DPYD: variants seen among roughly 807,000 people sequenced by gnomAD.
DPYD encodes dihydropyrimidine dehydrogenase [NADP(+)].
Under a neutral mutation model 116.2 loss-of-function variants are expected in DPYD, and 109 were observed. The observed-to-expected ratio is 0.94, with a 90% confidence interval of 0.80 to 1.10. DPYD has a LOEUF of 1.10. Ranked by LOEUF, DPYD falls within the 50% of genes least tolerant of loss-of-function variation. The pLI, the probability that DPYD is intolerant of heterozygous loss-of-function variation, is 0.00. For missense variants in DPYD, 1,302 were observed against 1,254.5 expected (o/e 1.04, Z -0.57); for synonymous variants, 440 against 432.0 (o/e 1.02, Z -0.23).
At chr1:97,160,699 C>CT (rs1418112719) in intron 20 of DPYD, among the ~76,000 whole-genome samples, 1 of 152,174 alleles carries the variant, frequency 6.6e-6, no homozygotes, top group African/African-American at 2.4e-5. Context: ...ACACATAGAA[C>CT]TAGTCAGTGG....
At chr1:97,112,719 C>G (rs573789032) in intron 20 of DPYD, among the ~76,000 whole-genome samples, 1 of 152,244 alleles carries the variant, frequency 6.6e-6, no homozygotes, top group Non-Finnish European at 1.5e-5. Flanking sequence ...TGAAAGCATT[C>G]TTCTCACTCT....
intron 19 of DPYD, among the ~76,000 whole-genome samples, chr1:97,232,897 G>T (rs1401418485): frequency 1.3e-5 from 2 of 152,110 alleles, no homozygotes; most frequent in African/African-American, 4.8e-5. Flanking sequence ...ATGTTAATGT[G>T]GGCATCTATC....
At chr1:97,819,214 G>C (rs925732764) in intron 3 of DPYD, among the ~76,000 whole-genome samples, 2 of 151,978 alleles carry the variant, frequency 1.3e-5, no homozygotes, top group Non-Finnish European at 2.9e-5. Context: ...TAGAAGACAA[G>C]AGAATACTCT....
At chr1:97,881,606 T>C (rs1038070816) in intron 2 of DPYD, among the ~76,000 whole-genome samples, 1 of 152,044 alleles carries the variant, frequency 6.6e-6, no homozygotes, top group Non-Finnish European at 1.5e-5. Context: ...ACTCAATTTA[T>C]AGGATCACAT....
intron 1 of DPYD, among the ~76,000 whole-genome samples, chr1:97,900,025 T>C (rs1441334517): frequency 6.6e-6 from 1 of 151,940 alleles, no homozygotes; most frequent in Non-Finnish European, 1.5e-5. Context: ...AGTTCTCAGC[T>C]ACAGACTATA....
intron 1 of DPYD, among the ~76,000 whole-genome samples, chr1:97,885,451 A>C (rs954503320): frequency 2.0e-5 from 3 of 152,094 alleles, no homozygotes; most frequent in South Asian, 2.1e-4. Flanking sequence ...TCACATGCTA[A>C]TATGAAGAAT....
At chr1:97,643,893 T>A (rs1658084114) in intron 8 of DPYD, among the ~76,000 whole-genome samples, 1 of 151,338 alleles carries the variant, frequency 6.6e-6, no homozygotes, top group Admixed American at 6.6e-5. Flanking sequence ...TGAGAACACA[T>A]GGACGCAGGG....
intron 2 of DPYD, among the ~76,000 whole-genome samples, chr1:97,848,193 G>T (rs574989739): frequency 6.6e-6 from 1 of 152,150 alleles, no homozygotes; most frequent in African/African-American, 2.4e-5. Flanking sequence ...CGCCTCCCGG[G>T]TTCATGCCAT....
intron 20 of DPYD, among the ~76,000 whole-genome samples, chr1:97,116,994 C>CAAAAAAA (rs397784957): frequency 1.9e-5 from 2 of 107,156 alleles, no homozygotes; most frequent in African/African-American, 3.5e-5. Flanking sequence ...ACTAAAAATA[C>CAAAAAAA]AAAAAAAAAA....
chr1:97,873,433 A>C (rs1427362488), intron 2 of DPYD, among the ~76,000 whole-genome samples: 1 of 151,904 alleles, frequency 6.6e-6, no homozygotes, highest in Non-Finnish European at 1.5e-5. Flanking sequence ...TAATACTCAC[A>C]GTTCATACTT....
chr1:97,713,458 T>G (rs1267670193), intron 5 of DPYD, among the ~76,000 whole-genome samples: 2 of 152,242 alleles, frequency 1.3e-5, no homozygotes, highest in African/African-American at 4.8e-5. Context: ...ACTAAAATAT[T>G]GTAATAAAAA....
intron 3 of DPYD, among the ~76,000 whole-genome samples, chr1:97,743,363 C>G (rs1302405590): frequency 6.6e-6 from 1 of 152,026 alleles, no homozygotes; most frequent in African/African-American, 2.4e-5. Flanking sequence ...GCCATTAATC[C>G]CACTTATCAC....
chr1:97,283,035 T>A (rs1364038430), intron 18 of DPYD, among the ~76,000 whole-genome samples: 1 of 152,146 alleles, frequency 6.6e-6, no homozygotes, highest in African/African-American at 2.4e-5. Flanking sequence ...TGTATGCATG[T>A]GTCTTTATGG....
At chr1:97,671,337 G>A (rs1488073645) in intron 8 of DPYD, among the ~76,000 whole-genome samples, 1 of 151,944 alleles carries the variant, frequency 6.6e-6, no homozygotes, top group Non-Finnish European at 1.5e-5. Flanking sequence ...AAATACCCTA[G>A]CGAGTACTAC....
At chr1:97,554,583 T>G (rs1412449497) in intron 11 of DPYD, among the ~76,000 whole-genome samples, 1 of 152,088 alleles carries the variant, frequency 6.6e-6, no homozygotes, top group Admixed American at 6.6e-5. Context: ...ATCTCAGTAA[T>G]TCAGCGCTGA....
At chr1:97,335,717 C>G (rs530735326) in intron 16 of DPYD, among the ~76,000 whole-genome samples, 1 of 152,258 alleles carries the variant, frequency 6.6e-6, no homozygotes, top group East Asian at 1.9e-4. Flanking sequence ...AGATAGGTAT[C>G]AAAATAACTC....
chr1:97,255,150 G>A (rs1663363778), intron 18 of DPYD, among the ~76,000 whole-genome samples: 1 of 152,092 alleles, frequency 6.6e-6, no homozygotes, highest in African/African-American at 2.4e-5. Context: ...TTTATTTTAT[G>A]TCCCCACTTA....
chr1:97,612,644 TATATC>T (rs1428221049), intron 8 of DPYD, among the ~76,000 whole-genome samples: 1 of 152,094 alleles, frequency 6.6e-6, no homozygotes, highest in African/African-American at 2.4e-5. Context: ...TTATAAGACA[TATATC>T]ATTTATTAAG....
At chr1:97,569,943 T>A (rs1241507548) in intron 11 of DPYD, among the ~76,000 whole-genome samples, 1 of 152,022 alleles carries the variant, frequency 6.6e-6, no homozygotes, top group Non-Finnish European at 1.5e-5. Flanking sequence ...TTATCACTCT[T>A]ATTATCCTTA....
Sources: allele counts gnomAD v4.1 joint callset (sites outside exome capture counted in the v4.1 genomes callset), GRCh38; gene constraint gnomAD v4.1.1; transcripts MANE v1.5; gene names NCBI Gene and HGNC (gene_info 2026-07-23, HGNC 2026-07-21).